The following M1AP variants were observed in gnomAD, a reference collection of about 807,000 sequenced individuals.
M1AP encodes the protein meiosis 1 associated protein, also known as meiosis 1 arrest protein.
A neutral mutation model predicts 51.2 loss-of-function variants in M1AP; 39 were observed. The ratio of observed to expected loss-of-function variants is 0.76; its 90% CI spans 0.59 to 1.00. The LOEUF (loss-of-function observed/expected upper bound fraction) is 1.00. Ranked by LOEUF, M1AP falls within the 50% of genes least tolerant of loss-of-function variation. The pLI is 0.00. For synonymous variants in M1AP, 251 were observed against 249.2 expected (o/e 1.01, Z -0.07); for missense variants, 545 against 641.2 (o/e 0.85, Z 1.62).
At chr2:74,577,642 G>A (rs1209657470) in intron 5 of M1AP, among the ~76,000 whole-genome samples, 1 of 152,202 alleles carries the variant, frequency 6.6e-6, no homozygotes, top group Non-Finnish European at 1.5e-5. Context: ...TAGACATTAG[G>A]TCTTATCACA....
intron 1 of M1AP, among the ~76,000 whole-genome samples, chr2:74,646,804 TA>T (rs1241478790): frequency 5.9e-5 from 9 of 152,250 alleles, no homozygotes; most frequent in Non-Finnish European, 1.2e-4. Context: ...TTCAAGGTTA[TA>T]GAACAACTGT....
chr2:74,639,912 G>A, intron 2 of M1AP, 124 bp downstream of exon 2: 1 of 821,398 alleles, frequency 1.2e-6, no homozygotes, highest in South Asian at 1.7e-5. Flanking sequence ...TTACTCGGGG[G>A]CTACTGTGTG....
chr2:74,645,578 A>G (rs1683559386), intron 1 of M1AP, among the ~76,000 whole-genome samples: 1 of 152,208 alleles, frequency 6.6e-6, no homozygotes, highest in African/African-American at 2.4e-5. Context: ...GGCAACACTC[A>G]GAAGTTACCA....
At chr2:74,644,890 C>G (rs770574758) in intron 1 of M1AP, among the ~76,000 whole-genome samples, 8 of 152,096 alleles carry the variant, frequency 5.3e-5, no homozygotes, top group Non-Finnish European at 7.4e-5. Flanking sequence ...TAGTCAGAGG[C>G]CTTATTTAAT....
chr2:74,604,957 C>G (rs374753220), intron 4 of M1AP, among the ~76,000 whole-genome samples: 1 of 152,126 alleles, frequency 6.6e-6, no homozygotes, highest in Non-Finnish European at 1.5e-5. Flanking sequence ...CACCTGTAAT[C>G]CCAGCACTTT....
At chr2:74,643,390 GT>G (rs150383871) in intron 1 of M1AP, among the ~76,000 whole-genome samples, 3,579 of 151,890 alleles carry the variant, frequency 0.024, 121 homozygotes, top group African/African-American at 0.072. Flanking sequence ...ACATACACAT[GT>G]AGCATGATTT....
rs75693711 is a variant in M1AP at position 74,568,347 on chromosome 2, G to T, written c.1075-5924C>A. 4.7e-3 allele frequency among the ~76,000 whole-genome samples: 716 copies of T among 152,350 alleles called. 7 individuals carry two copies. The highest frequency in any genetic ancestry group is 0.017 in the African/African-American group (687 of 41,584). On this transcript the variant is annotated intron_variant, in intron 7 of 10. Transcript: ENST00000421985. ...AACAATCGGAAAAGCTGGATAATTT[G>T]TTGGAAGGCAGTAAGGAGTTGCTGA... is the stretch of plus-strand genomic sequence containing the variant.
At chr2:74,578,213 C>G (rs979670116) in intron 5 of M1AP, among the ~76,000 whole-genome samples, 1 of 152,232 alleles carries the variant, frequency 6.6e-6, no homozygotes, top group Admixed American at 6.5e-5. Flanking sequence ...TGTCTGGGCC[C>G]TACCCCAGAC....
At chr2:74,574,572 G>A (rs750761263) in intron 7 of M1AP, among the ~76,000 whole-genome samples, 20 of 152,060 alleles carry the variant, frequency 1.3e-4, no homozygotes, top group African/African-American at 3.4e-4. Flanking sequence ...TTGCTTCTGC[G>A]AGTTCATTTC....
At chr2:74,620,618 T>C (rs363698) in intron 2 of M1AP, 13,464 of 201,768 alleles carry the variant, frequency 0.067, 1,486 homozygotes, top group African/African-American at 0.26. Flanking sequence ...AGGCCAGAGT[T>C]AGTGCAGTTT....
At chr2:74,646,725 A>T (rs568046759) in intron 1 of M1AP, among the ~76,000 whole-genome samples, 31 of 152,314 alleles carry the variant, frequency 2.0e-4, no homozygotes, top group African/African-American at 7.5e-4. Flanking sequence ...AAGTTAGTGT[A>T]TGAAATAGTT....
chr2:74,577,635 A>G (rs902871307), intron 5 of M1AP, among the ~76,000 whole-genome samples: 19 of 152,244 alleles, frequency 1.2e-4, no homozygotes, highest in African/African-American at 4.6e-4. Flanking sequence ...TAAGACCTAG[A>G]CATTAGGTCT....
chr2:74,578,238 T>G (rs1679197096), intron 5 of M1AP, among the ~76,000 whole-genome samples: 1 of 152,172 alleles, frequency 6.6e-6, no homozygotes, highest in African/African-American at 2.4e-5. Context: ...TGAATCAGGG[T>G]CTCTGGGGGT....
chr2:74,583,259 A>G (rs1679520524), intron 4 of M1AP, among the ~76,000 whole-genome samples: 1 of 152,192 alleles, frequency 6.6e-6, no homozygotes, highest in Non-Finnish European at 1.5e-5. Context: ...TTAAAAGGAA[A>G]AAAGATGAAT....
intron 2 of M1AP, among the ~76,000 whole-genome samples, chr2:74,638,726 T>C (rs116702316): frequency 0.035 from 5,297 of 152,272 alleles, 122 homozygotes; most frequent in Middle Eastern, 0.078. Context: ...TCCTCCAGCC[T>C]CAATCAAGCT....
intron 4 of M1AP, among the ~76,000 whole-genome samples, chr2:74,597,833 T>C (rs371746490): frequency 1.6e-4 from 24 of 152,376 alleles, no homozygotes; most frequent in South Asian, 6.2e-4. Flanking sequence ...CAGTGGCTAT[T>C]TTAGTTTTGA....
intron 4 of M1AP, among the ~76,000 whole-genome samples, chr2:74,582,094 TA>T (rs1188521695): frequency 2.6e-5 from 4 of 152,186 alleles, no homozygotes; most frequent in African/African-American, 9.7e-5. Context: ...CACGACTGAC[TA>T]ATTTTTTAAA....
chr2:74,648,220 C>T, intron 1 of M1AP, 45 bp downstream of exon 1: 1 of 969,128 alleles, frequency 1.0e-6, no homozygotes. Context: ...GTGGTGCCGG[C>T]TGCTCTCGGG....
intron 2 of M1AP, among the ~76,000 whole-genome samples, chr2:74,624,307 A>G (rs1305919190): frequency 6.6e-6 from 1 of 152,268 alleles, no homozygotes; most frequent in African/African-American, 2.4e-5. Flanking sequence ...ATCAGTAGAC[A>G]TATATTATTG....
Sources: gnomAD v4.1 joint callset for allele counts (sites outside exome capture counted in the v4.1 genomes callset) on GRCh38, gnomAD v4.1.1 for gene constraint, MANE v1.5 for transcripts, NCBI Gene and HGNC (gene_info 2026-07-23, HGNC 2026-07-21) for gene names.